CADPS2: variants seen among roughly 807,000 people sequenced by gnomAD.
The protein encoded by CADPS2 is calcium dependent secretion activator 2.
In CADPS2, 93 loss-of-function variants were observed where a neutral mutation model predicts 172.5. That is an observed-to-expected ratio of 0.54 (90% CI 0.46 to 0.64). The LOEUF is 0.64. Among genes scored for constraint, CADPS2 ranks in the 30% least tolerant of loss-of-function variants. The pLI is 0.00. For synonymous variants in CADPS2, 546 were observed against 555.2 expected, an observed-to-expected ratio of 0.98 and a Z score of 0.23; for missense variants, 1,420 against 1,565.9, an observed-to-expected ratio of 0.91 and a Z score of 1.57.
intron 1 of CADPS2, among the ~76,000 whole-genome samples, chr7:122,856,276 C>T (rs1358853112): frequency 6.6e-6 from 1 of 152,126 alleles, no homozygotes; most frequent in Non-Finnish European, 1.5e-5. Context: ...ATCCCCAAAT[C>T]TTTTTCTTCT....
At chr7:122,329,454 C>T (rs2150786215) in intron 28 of CADPS2, among the ~76,000 whole-genome samples, 1 of 152,230 alleles carries the variant, frequency 6.6e-6, no homozygotes, top group African/African-American at 2.4e-5. Context: ...TTTGTCAGTC[C>T]CAGACTCGGC....
intron 8 of CADPS2, among the ~76,000 whole-genome samples, chr7:122,535,880 C>T (rs769214742): frequency 6.6e-6 from 1 of 151,978 alleles, no homozygotes; most frequent in Non-Finnish European, 1.5e-5. Flanking sequence ...CTTTATCAAG[C>T]ATTTGATAAA....
chr7:122,554,697 G>GC lies in CADPS2; in HGVS notation c.1336-9_1336-8insG. On this transcript the variant is annotated splice_polypyrimidine_tract_variant and intron_variant, in intron 7 of 29. Transcript: ENST00000449022. ...AGTTGGGTATAATATCACCTGTATG[G>GC]AAAAAAAAACCCACATTTAAACGCA... The GC allele has an allele frequency of 6.5e-7, 1 of 1,546,906 alleles. No individual in the cohort carries two copies. Among genetic ancestry groups the GC allele is most frequent in the Non-Finnish European group, 8.8e-7 (1 of 1,141,982 alleles).
At chr7:122,371,784 G>T (rs1328227389) in intron 25 of CADPS2, among the ~76,000 whole-genome samples, 1 of 152,114 alleles carries the variant, frequency 6.6e-6, no homozygotes, top group African/African-American at 2.4e-5. Context: ...TGATGTGCTT[G>T]AGCAGATTCT....
chr7:122,669,340 T>A (rs986998), intron 2 of CADPS2, among the ~76,000 whole-genome samples: 55,133 of 116,174 alleles, frequency 0.47, 11,294 homozygotes, highest in Non-Finnish European at 0.54. Flanking sequence ...AAAGAAAAAA[T>A]ATATATATAT....
chr7:122,725,466 T>C (rs893419323), intron 2 of CADPS2, among the ~76,000 whole-genome samples: 3 of 151,804 alleles, frequency 2.0e-5, no homozygotes, highest in East Asian at 3.9e-4. Flanking sequence ...ATATACTGCA[T>C]GGACCATCTG....
intron 3 of CADPS2, among the ~76,000 whole-genome samples, chr7:122,640,032 A>G (rs957985098): frequency 6.6e-6 from 1 of 152,204 alleles, no homozygotes; most frequent in Admixed American, 6.5e-5. Context: ...CAAGCCCAGA[A>G]TAGAATCTCA....
chr7:122,360,744 A>T (rs2040017489), intron 27 of CADPS2, 44 bp downstream of exon 27: 16 of 1,482,398 alleles, frequency 1.1e-5, no homozygotes, highest in Non-Finnish European at 1.2e-5. Context: ...ATTTTTTTTT[A>T]AAGAATTCCA....
chr7:122,762,822 CT>C (rs2093432391), intron 1 of CADPS2, among the ~76,000 whole-genome samples: 1 of 152,050 alleles, frequency 6.6e-6, no homozygotes, highest in Non-Finnish European at 1.5e-5. Context: ...AAGTGTCATC[CT>C]GATACACTTC....
At chr7:122,454,223 T>C (rs980809591) in intron 14 of CADPS2, among the ~76,000 whole-genome samples, 5 of 152,162 alleles carry the variant, frequency 3.3e-5, no homozygotes, top group Non-Finnish European at 7.3e-5. Context: ...TAAATACGTG[T>C]CTGGTATTTT....
chr7:122,616,499 T>C (rs2074943127), intron 5 of CADPS2, among the ~76,000 whole-genome samples: 1 of 152,104 alleles, frequency 6.6e-6, no homozygotes, highest in Non-Finnish European at 1.5e-5. Flanking sequence ...AAATTTTGTT[T>C]TCATAAAATA....
At chr7:122,799,410 T>C (rs1016730901) in intron 1 of CADPS2, among the ~76,000 whole-genome samples, 2 of 151,760 alleles carry the variant, frequency 1.3e-5, no homozygotes, top group African/African-American at 4.8e-5. Flanking sequence ...CCATCCTGGC[T>C]AACACAGTGA....
intron 1 of CADPS2, among the ~76,000 whole-genome samples, chr7:122,820,535 C>G (rs1802852649): frequency 7.1e-6 from 1 of 140,078 alleles, no homozygotes; most frequent in Non-Finnish European, 1.5e-5. Flanking sequence ...AACAACTTGA[C>G]CTTACTGTTT....
chr7:122,875,763 A>G (rs1411048084), intron 1 of CADPS2, among the ~76,000 whole-genome samples: 1 of 152,202 alleles, frequency 6.6e-6, no homozygotes. Context: ...GCTTTATAAC[A>G]TAAGGACTGA....
chr7:122,707,699 T>C (rs779746728), intron 2 of CADPS2, among the ~76,000 whole-genome samples: 17 of 151,844 alleles, frequency 1.1e-4, no homozygotes, highest in Non-Finnish European at 2.4e-4. Context: ...GAATATTGAC[T>C]CTAAAGTACC....
chr7:122,603,943 A>T (rs2073144225), intron 6 of CADPS2, among the ~76,000 whole-genome samples: 1 of 152,140 alleles, frequency 6.6e-6, no homozygotes, highest in Non-Finnish European at 1.5e-5. Context: ...TTATAAGATG[A>T]ACAAGTTCTA....
chr7:122,552,127 C>T (rs1366008140), intron 8 of CADPS2, among the ~76,000 whole-genome samples: 1 of 152,116 alleles, frequency 6.6e-6, no homozygotes, highest in Non-Finnish European at 1.5e-5. Context: ...ACTATTATAG[C>T]ATTGCTGAAA....
chr7:122,762,087 T>C (rs1316161049), intron 1 of CADPS2, among the ~76,000 whole-genome samples: 1 of 150,506 alleles, frequency 6.6e-6, no homozygotes, highest in Non-Finnish European at 1.5e-5. Context: ...TATAAAAGTG[T>C]ATATATGTGT....
At chr7:122,730,919 G>A (rs1588836539) in intron 2 of CADPS2, among the ~76,000 whole-genome samples, 1 of 151,326 alleles carries the variant, frequency 6.6e-6, no homozygotes, top group East Asian at 1.9e-4. Flanking sequence ...TGCAAAAAAA[G>A]GCCAGAATTA....
Sources: gnomAD v4.1 joint callset for allele counts (sites outside exome capture counted in the v4.1 genomes callset) on GRCh38, gnomAD v4.1.1 for gene constraint, MANE v1.5 for transcripts, NCBI Gene and HGNC (gene_info 2026-07-23, HGNC 2026-07-21) for gene names.